Variants in AHCYL1 observed in about 807,000 individuals in gnomAD.
AHCYL1 encodes the protein S-adenosylhomocysteine hydrolase-like protein 1.
Under a neutral mutation model 79.3 loss-of-function variants are expected in AHCYL1, and 20 were observed. The observed-to-expected ratio is 0.25, with a 90% CI of 0.18 to 0.37. The LOEUF is 0.37. Ranked by LOEUF, AHCYL1 falls within the 10% of genes least tolerant of loss-of-function variation. The pLI, the probability that AHCYL1 is intolerant of heterozygous loss-of-function variation, is 1.00. For synonymous variants in AHCYL1, 223 were observed against 242.2 expected (o/e 0.92, Z 0.74); for missense variants, 330 against 673.6 (o/e 0.49, Z 5.65).
intron 1 of AHCYL1, among the ~76,000 whole-genome samples, chr1:110,000,048 T>C (rs1248426700): frequency 1.3e-5 from 2 of 152,222 alleles, no homozygotes; most frequent in Non-Finnish European, 2.9e-5. Flanking sequence ...TGTTCATGTG[T>C]GAAAGAAATA....
At chr1:109,990,947 G>A (rs545067530) in intron 1 of AHCYL1, among the ~76,000 whole-genome samples, 18 of 152,198 alleles carry the variant, frequency 1.2e-4, no homozygotes, top group African/African-American at 4.3e-4. Context: ...ATCCCTGCAG[G>A]TACTGTTTTC....
intron 1 of AHCYL1, among the ~76,000 whole-genome samples, chr1:109,991,720 A>G (rs1032459794): frequency 2.0e-5 from 3 of 152,320 alleles, no homozygotes; most frequent in Non-Finnish European, 2.9e-5. Flanking sequence ...CTGATCCACA[A>G]TGATGTGTGG....
At position 109,998,697 on chromosome 1, in the gene AHCYL1, C is replaced by T. The variant is rs1448135507; in HGVS notation, c.121-10337C>T. Among the ~76,000 whole-genome samples the T allele has an allele frequency of 4.6e-5, 7 of 152,178 alleles. 1 individual carries two copies. The South Asian group carries it at 8.3e-4, about 18-fold the overall frequency. On this transcript the variant is annotated intron_variant, in intron 1 of 16. Coordinates refer to ENST00000369799, the MANE Select transcript of AHCYL1 (RefSeq NM_006621.7). The stretch of plus-strand genomic sequence containing the variant: ...TTCGCCATGTTGGCCAGGCTGGTCT[C>T]GAACTTCTGACCTCAGGTGATCCAC...
At chr1:110,011,858 G>C (rs1038956080) in intron 3 of AHCYL1, among the ~76,000 whole-genome samples, 3 of 152,312 alleles carry the variant, frequency 2.0e-5, no homozygotes, top group African/African-American at 7.2e-5. Flanking sequence ...GCCACTCCCA[G>C]TAAGGTCCTC....
chr1:110,017,423 C>T (rs1257539916), intron 9 of AHCYL1, 72 bp from the exon 10 acceptor site: 1 of 1,450,922 alleles, frequency 6.9e-7, no homozygotes, highest in East Asian at 2.3e-5. Flanking sequence ...TCCTGTCTCA[C>T]AAATAACCTA....
chr1:110,022,223 A>G lies in AHCYL1; in HGVS notation c.*543A>G, dbSNP rs1008164205. Reference sequence around the variant, plus strand: ...TATGTCCAGTTCAGAGATGTGTATAATGAGCATGGCTTGTTAAGATCAGGA... The same window carrying G: ...TATGTCCAGTTCAGAGATGTGTATAGTGAGCATGGCTTGTTAAGATCAGGA... On this transcript the variant is annotated 3_prime_UTR_variant, in exon 17 of 17. Coordinates refer to ENST00000369799, the MANE Select transcript of AHCYL1 (RefSeq NM_006621.7). 5.9e-5 allele frequency: 9 copies of G among 152,840 alleles called. No individual in the cohort carries two copies. Among genetic ancestry groups the G allele is most frequent in the African/African-American group, 2.2e-4 (9 of 41,388 alleles). 9.5% of individuals were successfully genotyped at this position (152,840 alleles called of 1,614,324 possible).
At chr1:109,999,975 C>T (rs1295488001) in intron 1 of AHCYL1, among the ~76,000 whole-genome samples, 1 of 152,068 alleles carries the variant, frequency 6.6e-6, no homozygotes, top group East Asian at 1.9e-4. Context: ...TGGCACACCA[C>T]AGATGAGAAA....
Position 110,022,287 on chromosome 1 carries a change from C to T in AHCYL1, c.*607C>T, listed in dbSNP as rs983400628. 7 of 151,950 alleles carry T rather than the reference C, an allele frequency of 4.6e-5. No individual in the cohort carries two copies. Among genetic ancestry groups the T allele is most frequent in the African/African-American group, 1.7e-4 (7 of 41,326 alleles). 9.4% of individuals were successfully genotyped at this position (151,950 alleles called of 1,614,324 possible). On this transcript the variant is annotated 3_prime_UTR_variant, in exon 17 of 17. Transcript: ENST00000369799. ...TTATAGTATAGCCCTTCCTCCACTC[C>T]CACCAGACTTGCTCATTTTTCGAGT...
Position 109,999,021 on chromosome 1 carries a change from G to A in AHCYL1, c.121-10013G>A, listed in dbSNP as rs1650169207. ...AGAAAAAAAAGATTAGCTGGGCACG[G>A]TGGCACATGACTGTTATCCTAGCCA... On this transcript the variant is annotated intron_variant, in intron 1 of 16. Transcript: ENST00000369799. 2.6e-5 allele frequency among the ~76,000 whole-genome samples: 4 copies of A among 152,162 alleles called. No homozygotes were observed. In the South Asian group the frequency reaches 8.3e-4, roughly 32 times the overall value.
chr1:110,000,802 A>G (rs1650272516), intron 1 of AHCYL1: 1 of 277,048 alleles, frequency 3.6e-6, no homozygotes, highest in Admixed American at 6.5e-5. Context: ...AAATTGCCTT[A>G]AGCAAGTCAC....
chr1:110,012,687 T>C (rs138957901), intron 4 of AHCYL1, among the ~76,000 whole-genome samples: 1 of 152,320 alleles, frequency 6.6e-6, no homozygotes, highest in African/African-American at 2.4e-5. Flanking sequence ...ATATGATTGT[T>C]ATAAAATGTT....
At position 110,021,840 on chromosome 1, in the gene AHCYL1, C is replaced by A; in HGVS notation, c.*160C>A. 1 of 672,648 alleles carries A rather than the reference C, an allele frequency of 1.5e-6. No individual in the cohort carries two copies. Among genetic ancestry groups the A allele is most frequent in the Non-Finnish European group, 2.4e-6 (1 of 417,624 alleles). The allele number at this position is 672,648 out of a possible 1,614,324, so 41.7% of individuals were successfully genotyped here. ...CATTATCCAAGTTCTGCAGACCACA[C>A]AGGAACTTGCTTCATGGCTCTTTAG... On this transcript the variant is annotated 3_prime_UTR_variant, in exon 17 of 17. Transcript: ENST00000369799.
Position 109,996,561 on chromosome 1 carries a change from C to T in AHCYL1, c.120+11389C>T, listed in dbSNP as rs17611282. ...ACCCTCTGAGAGATGTGTACGTATT[C>T]CAGCAAAATGCACACAGTCATGTGT... On this transcript the variant is annotated intron_variant, in intron 1 of 16. Coordinates refer to ENST00000369799, the MANE Select transcript of AHCYL1 (RefSeq NM_006621.7). Among the ~76,000 whole-genome samples, 471 of 152,276 alleles carry T rather than the reference C, an allele frequency of 3.1e-3. 1 individual carries two copies. The highest frequency in any genetic ancestry group is 5.1e-3 in the Non-Finnish European group (350 of 68,016).
At chr1:110,014,713 C>A in intron 5 of AHCYL1, 50 bp from the exon 6 acceptor site, 2 of 1,427,992 alleles carry the variant, frequency 1.4e-6, no homozygotes, top group Non-Finnish European at 9.9e-7. Context: ...TGATTTGGTA[C>A]AGGACACTCC....
intron 1 of AHCYL1, among the ~76,000 whole-genome samples, chr1:110,007,020 G>A (rs1650697072): frequency 6.6e-6 from 1 of 152,116 alleles, no homozygotes; most frequent in Non-Finnish European, 1.5e-5. Flanking sequence ...TTTTGCTTAG[G>A]TTTAGGCTAC....
intron 3 of AHCYL1, 125 bp downstream of exon 3, chr1:110,011,482 C>A: frequency 7.6e-7 from 1 of 1,317,378 alleles, no homozygotes; most frequent in Non-Finnish European, 1.0e-6. Context: ...GTATTATGGA[C>A]TTTCGGATAA....
Position 110,012,401 on chromosome 1 carries a change from G to A in AHCYL1, c.416G>A (p.Gly139Glu). The A allele has an allele frequency of 6.2e-7, 1 of 1,613,924 alleles. No homozygotes were observed. Among genetic ancestry groups the A allele is most frequent in the Non-Finnish European group, 8.5e-7 (1 of 1,179,970 alleles). Residue 139 changes from glycine to glutamate, a missense_variant, in exon 4 of 17, where the codon GGG becomes GAG. Around this residue, in one of 6 missense-constraint regions of AHCYL1, gnomAD observed 97 missense variants for 176.3 expected, o/e 0.55. Transcript: ENST00000369799. ...ALISLRKRAQ[G>E]EKPLAGAKIV... ...ATTTCACTCAGGAAACGTGCTCAGG[G>A]GGAGAAGCCCTTGGCTGGTGCTAAA...
At chr1:110,011,497 T>C (rs1475695053) in intron 3 of AHCYL1, 140 bp downstream of exon 3, 2 of 1,173,966 alleles carry the variant, frequency 1.7e-6, no homozygotes, top group Non-Finnish European at 2.4e-6. Context: ...GGATAAACAC[T>C]TCTCTCTCTA....
chr1:109,987,982 C>G (rs1209585426), intron 1 of AHCYL1, among the ~76,000 whole-genome samples: 1 of 151,992 alleles, frequency 6.6e-6, no homozygotes, highest in Admixed American at 6.6e-5. Flanking sequence ...TATATTCTTT[C>G]TTCAATGGGC....
Sources: gnomAD v4.1 joint callset for allele counts (sites outside exome capture counted in the v4.1 genomes callset) on GRCh38, gnomAD v4.1.1 for gene constraint, gnomAD v4.1.1 regional missense constraint, MANE v1.5 for transcripts, NCBI Gene and HGNC (gene_info 2026-07-23, HGNC 2026-07-21) for gene names.